TLCD4: variants seen among roughly 807,000 people sequenced by gnomAD.
TLCD4 encodes TLC domain containing 4.
Under a neutral mutation model 24.2 loss-of-function variants are expected in TLCD4, and 7 were observed. The ratio of observed to expected loss-of-function variants is 0.29; its 90% CI spans 0.16 to 0.54. TLCD4 has a LOEUF of 0.54. TLCD4 is among the 20% of genes least tolerant of loss of function. The probability of loss-of-function intolerance (pLI) is 0.95; values close to 1 mark genes in which losing one functional copy is unlikely to be tolerated. For missense variants in TLCD4, 259 were observed against 313.9 expected, an observed-to-expected ratio of 0.82 and a Z score of 1.32; for synonymous variants, 103 against 106.4, an observed-to-expected ratio of 0.97 and a Z score of 0.20.
chr1:95,111,354 C>A, the TLCD4 span, among the ~76,000 whole-genome samples: 75,790 of 150,626 alleles, frequency 0.5, 19,702 homozygotes, highest in Admixed American at 0.6. Flanking sequence ...AAATGAAAGA[C>A]ATTTACAAAA....
At chr1:95,178,728 C>T (rs1263497677) in intron 6 of TLCD4, among the ~76,000 whole-genome samples, 1 of 152,068 alleles carries the variant, frequency 6.6e-6, no homozygotes, top group Non-Finnish European at 1.5e-5. Context: ...GTTGCAATGA[C>T]CTTGGACAAG....
intron 6 of TLCD4, among the ~76,000 whole-genome samples, chr1:95,186,744 A>G (rs2225107): frequency 1.9e-3 from 283 of 152,284 alleles, no homozygotes; most frequent in African/African-American, 6.6e-3. Flanking sequence ...TGTTTTTCCT[A>G]TTTGCAGTAT....
chr1:95,135,779 A>C (rs757022148), intron 1 of TLCD4, among the ~76,000 whole-genome samples: 1 of 152,130 alleles, frequency 6.6e-6, no homozygotes, highest in African/African-American at 2.4e-5. Context: ...TCTGTCACCC[A>C]GGCTGGAATG....
Position 95,191,744 on chromosome 1 carries a change from G to T in TLCD4, c.668G>T (p.Cys223Phe). Reference sequence around the variant, plus strand: ...ATCCAGTTATCCTGGGTCATTAGTTGTGTTGTTTTGGATGTGATGAATGTC... The same window carrying T: ...ATCCAGTTATCCTGGGTCATTAGTTTTGTTGTTTTGGATGTGATGAATGTC... ...VLIQLSWVIS[C>F]VVLDVMNVMW... Residue 223 changes from cysteine (C) to phenylalanine (F), a missense_variant, in exon 7 of 7, where the codon TGT (cysteine) becomes TTT (phenylalanine). Transcript: ENST00000370203. 1 of 1,614,150 alleles carries T rather than the reference G, an allele frequency of 6.2e-7. No individual in the cohort carries two copies. The highest frequency in any genetic ancestry group is 8.5e-7 in the Non-Finnish European group (1 of 1,180,024).
At chr1:95,137,714 T>TTCCC (rs1406015608) in intron 1 of TLCD4, among the ~76,000 whole-genome samples, 2 of 151,692 alleles carry the variant, frequency 1.3e-5, no homozygotes, top group East Asian at 1.9e-4. Context: ...TCTTTTCTCT[T>TTCCC]TCCCTCCCTC....
chr1:95,154,028 A>T (rs766253807), intron 5 of TLCD4, among the ~76,000 whole-genome samples: 1 of 152,184 alleles, frequency 6.6e-6, no homozygotes, highest in Non-Finnish European at 1.5e-5. Flanking sequence ...CTATTCTACC[A>T]TAAGATAGCT....
intron 1 of TLCD4, among the ~76,000 whole-genome samples, chr1:95,130,076 A>T (rs1361116913): frequency 2.6e-5 from 4 of 152,228 alleles, no homozygotes; most frequent in African/African-American, 9.6e-5. Context: ...CTTTATATAC[A>T]TTCTTTTAGA....
At chr1:95,125,566 CTG>C (rs1428433939) in intron 1 of TLCD4, 2 of 152,220 alleles carry the variant, frequency 1.3e-5, no homozygotes, top group East Asian at 1.9e-4. Flanking sequence ...CCATTTGTAA[CTG>C]TGAACAATCA....
At position 95,192,478 on chromosome 1, in the gene TLCD4, C is replaced by T. The variant is rs1334002110; in HGVS notation, c.*610C>T. ...TCTTAACTGCATTGGTATTTTTTCT[C>T]TGTGAAAGATGACTATGATAATCTG... On this transcript the variant is annotated 3_prime_UTR_variant, in exon 7 of 7. Coordinates refer to ENST00000370203, the MANE Select transcript of TLCD4 (RefSeq NM_152487.3). 1 of 152,108 alleles carries T rather than the reference C, an allele frequency of 6.6e-6. No individual in the cohort carries two copies. Among genetic ancestry groups the T allele is most frequent in the East Asian group, 1.9e-4 (1 of 5,188 alleles). 9.4% of individuals were successfully genotyped at this position (152,108 alleles called of 1,614,324 possible).
At chr1:95,142,481 A>T (rs969355585) in intron 1 of TLCD4, among the ~76,000 whole-genome samples, 2 of 152,098 alleles carry the variant, frequency 1.3e-5, no homozygotes, top group Non-Finnish European at 2.9e-5. Context: ...CAAAGCAAGG[A>T]AGGAATGAAG....
the TLCD4 span, among the ~76,000 whole-genome samples, chr1:95,104,498 A>G: frequency 6.6e-6 from 1 of 151,526 alleles, no homozygotes. Context: ...CCCCATCTCT[A>G]CTAAAAATAC....
At chr1:95,188,304 C>T (rs1018272887) in intron 6 of TLCD4, among the ~76,000 whole-genome samples, 3 of 145,816 alleles carry the variant, frequency 2.1e-5, no homozygotes, top group East Asian at 2.1e-4. Context: ...AGGAGAATGG[C>T]GTGATCCCGG....
chr1:95,096,996 CCT>C, the TLCD4 span, among the ~76,000 whole-genome samples: 2 of 152,100 alleles, frequency 1.3e-5, no homozygotes, highest in African/African-American at 4.8e-5. Flanking sequence ...CTCTGCCATC[CCT>C]TTCTTTTCAC....
chr1:95,194,238 T>A lies in TLCD4; in HGVS notation c.*2370T>A, dbSNP rs1000672233. On this transcript the variant is annotated 3_prime_UTR_variant, in exon 7 of 7. Coordinates refer to ENST00000370203, the MANE Select transcript of TLCD4 (RefSeq NM_152487.3). ...CAATCCTTATCTTATGCTGGCTGCA[T>A]GAGTTAATTCAACATCCAGATTAAA... The A allele has an allele frequency of 6.6e-6, 1 of 152,148 alleles. No homozygotes were observed. Among genetic ancestry groups the A allele is most frequent in the Non-Finnish European group, 1.5e-5 (1 of 67,986 alleles). 9.4% of individuals were successfully genotyped at this position (152,148 alleles called of 1,614,324 possible).
chr1:95,161,766 A>T (rs1677816560), intron 5 of TLCD4, among the ~76,000 whole-genome samples: 1 of 152,224 alleles, frequency 6.6e-6, no homozygotes, highest in South Asian at 2.1e-4. Flanking sequence ...TGTACCCAGT[A>T]GTCATTCAGG....
At chr1:95,105,064 T>C in the TLCD4 span, among the ~76,000 whole-genome samples, 1 of 152,260 alleles carries the variant, frequency 6.6e-6, no homozygotes, top group East Asian at 1.9e-4. Context: ...CAGTATTCAA[T>C]AAATTATACA....
intron 5 of TLCD4, among the ~76,000 whole-genome samples, chr1:95,170,575 C>T (rs1678175957): frequency 6.6e-6 from 1 of 152,070 alleles, no homozygotes. Context: ...GTGATCCGTC[C>T]ACTTTGGCCT....
chr1:95,132,084 T>C (rs7520889), intron 1 of TLCD4, among the ~76,000 whole-genome samples: 149,902 of 152,308 alleles, frequency 0.98, 73,811 homozygotes, highest in East Asian at 1. Flanking sequence ...AAGTTTTTGC[T>C]AGAAGCCAGG....
chr1:95,171,752 T>C (rs1174632026), intron 5 of TLCD4, among the ~76,000 whole-genome samples: 1 of 152,098 alleles, frequency 6.6e-6, no homozygotes, highest in Admixed American at 6.5e-5. Context: ...TATTGCACAA[T>C]AGGCAGGAAA....
Sources: allele counts gnomAD v4.1 joint callset (sites outside exome capture counted in the v4.1 genomes callset), GRCh38; gene constraint gnomAD v4.1.1; transcripts MANE v1.5; gene names NCBI Gene and HGNC (gene_info 2026-07-23, HGNC 2026-07-21).